The following HAGH variants were observed in gnomAD, a reference collection of about 807,000 sequenced individuals.
HAGH encodes the protein hydroxyacylglutathione hydrolase, mitochondrial.
Under a neutral mutation model 35.1 loss-of-function variants are expected in HAGH, and 29 were observed. The observed-to-expected ratio is 0.83, with a 90% CI of 0.62 to 1.13. The LOEUF (loss-of-function observed/expected upper bound fraction) is 1.13. Ranked by LOEUF, HAGH falls within the 50% of genes most tolerant of loss-of-function variation. HAGH has a pLI of 0.00. For synonymous variants in HAGH, 225 were observed against 176.1 expected (o/e 1.28, Z -2.20); for missense variants, 478 against 419.6 (o/e 1.14, Z -1.22).
At chr16:1,816,782 C>A in intron 7 of HAGH, 111 bp downstream of exon 7, 2 of 710,676 alleles carry the variant, frequency 2.8e-6, no homozygotes, top group Admixed American at 2.1e-5. Context: ...GAATCCCAGG[C>A]CTGCTCTCTG....
chr16:1,814,930 T>TACACACAC (rs4027423), intron 7 of HAGH, among the ~76,000 whole-genome samples: 105 of 140,728 alleles, frequency 7.5e-4, no homozygotes, highest in African/African-American at 1.0e-3. Context: ...TATATGTATA[T>TACACACAC]ACACACACAC....
In HAGH at chr16:1,809,343, C is replaced by T. The variant is rs376385848; in HGVS notation, c.867G>A (p.Pro289=). ...TVQQHAGETD[P]VTTMRAVRRE... ...TGCGCACGGCCCGCATGGTGGTCAC[C>T]GGGTCCGTCTCACCTGCGTGCTGCT... Residue 289 remains proline (P), a synonymous_variant, in exon 9 of 9, where the codon CCG becomes CCA. Transcript: ENST00000397356. The T allele has an allele frequency of 5.4e-5, 87 of 1,613,444 alleles. No homozygotes were observed. The highest frequency in any genetic ancestry group is 5.3e-4 in the South Asian group (48 of 91,080).
intron 5 of HAGH, 114 bp from the exon 6 acceptor site, chr16:1,817,385 G>C: frequency 1.4e-6 from 1 of 724,068 alleles, no homozygotes; most frequent in Non-Finnish European, 2.5e-6. Context: ...CCGAACCCTG[G>C]CTGCCCTCCG....
At chr16:1,824,204 A>G (rs1898291356) in intron 1 of HAGH, among the ~76,000 whole-genome samples, 1 of 150,624 alleles carries the variant, frequency 6.6e-6, no homozygotes, top group Non-Finnish European at 1.5e-5. Flanking sequence ...CCTGGGCAAC[A>G]GAGTGAGACA....
In HAGH at chr16:1,808,395, G is replaced by A. The variant is rs35509613; in HGVS notation, c.*888C>T. 1 of 151,860 alleles carries A rather than the reference G, an allele frequency of 6.6e-6. No individual in the cohort carries two copies. Among genetic ancestry groups the A allele is most frequent in the Non-Finnish European group, 1.5e-5 (1 of 67,976 alleles). The allele number at this position is 151,860 out of a possible 1,614,324, so 9.4% of individuals were successfully genotyped here. On this transcript the variant is annotated 3_prime_UTR_variant, in exon 9 of 9. Transcript: ENST00000397356. ...GGCTCACTGCAAGCCCCGCCTCCTG[G>A]GTTCACACCATTCTCCTGCCTTAGC...
intron 7 of HAGH, chr16:1,810,203 C>T (rs1205100814): frequency 5.1e-6 from 1 of 195,596 alleles, no homozygotes; most frequent in East Asian, 1.4e-4. Flanking sequence ...AGGACACTGC[C>T]CGACTGACAA....
rs772663238 is a variant in HAGH, at chr16:1,817,238, A to T, written c.575T>A (p.Phe192Tyr). The change falls in exon 6 of 9, where the codon TTC becomes TAC. Residue 192 changes from phenylalanine to tyrosine, a missense_variant. By Grantham distance (22) the Phe-to-Tyr change is conservative (BLOSUM62 3). Transcript: ENST00000397356. The stretch of plus-strand genomic sequence containing the variant: ...CATCTCATCCGCAGTCCCTTCATAG[A>T]ACTTCCCGCAGCCAGCCACAAACAA... ...DTLFVAGCGKFYEGTADEMCK... is the reference protein window; with the variant it reads ...DTLFVAGCGKYYEGTADEMCK... The T allele has an allele frequency of 1.4e-5, 23 of 1,613,486 alleles. No individual in the cohort carries two copies. The highest frequency in any genetic ancestry group is 1.7e-5 in the Non-Finnish European group (20 of 1,179,472).
chr16:1,812,394 C>G (rs142988843), intron 7 of HAGH: 1 of 144,756 alleles, frequency 6.9e-6, no homozygotes, highest in Admixed American at 6.9e-5. Flanking sequence ...GTCCCAGCTA[C>G]TTGGGAGGCT....
intron 8 of HAGH, 52 bp from the exon 9 acceptor site, chr16:1,809,434 G>C (rs1897532938): frequency 7.0e-7 from 1 of 1,431,326 alleles, no homozygotes; most frequent in South Asian, 1.1e-5. Flanking sequence ...GCCCACCGGA[G>C]GAGCCAGGGC....
chr16:1,810,164 A>G (rs80287909), intron 7 of HAGH: 21 of 285,548 alleles, frequency 7.4e-5, no homozygotes, highest in African/African-American at 4.4e-4. Flanking sequence ...CGTCTCAAAA[A>G]ATGCTTCAGA....
In HAGH at chr16:1,819,917, T is replaced by C. The variant is rs373374767; in HGVS notation, c.412A>G (p.Thr138Ala). The change falls in exon 4 of 9, where the codon ACT becomes GCT. Residue 138 changes from threonine (T) to alanine (A), a missense_variant. Physicochemically the swap from Thr to Ala is moderately conservative, Grantham distance 58. Transcript: ENST00000397356. The stretch of plus-strand genomic sequence containing the variant: ...CTTACCTGCAGTGTGGACAGGTGAG[T>C]GATCTTGTGAGTCAGGGCCCCGATA... ...DRIGALTHKI[T>A]HLSTLQVGSL... is the part of the protein sequence containing the mutation. 2 of 1,608,896 alleles carry C rather than the reference T, an allele frequency of 1.2e-6. No individual in the cohort carries two copies. The highest frequency in any genetic ancestry group is 2.7e-5 in the African/African-American group (2 of 74,674).
chr16:1,826,227 C>G (rs1444676661), intron 1 of HAGH, among the ~76,000 whole-genome samples: 2 of 151,852 alleles, frequency 1.3e-5, no homozygotes, highest in South Asian at 2.1e-4. Context: ...GCGACCACCT[C>G]GGGCGAATGA....
rs1232387253 is a variant in HAGH at position 1,822,313 on chromosome 16, T to G, written c.301A>C (p.Thr101Pro). ...CGCGGCACTTACCAGTGGTGGTGGGTGGTGAGCACTGTGGTCAGTTTCACC... is the reference window on the plus strand; with the variant it reads ...CGCGGCACTTACCAGTGGTGGTGGGGGGTGAGCACTGTGGTCAGTTTCACC... ...HGVKLTTVLT[T>P]HHHWDHAGGN... Residue 101 changes from threonine to proline, a missense_variant, in exon 3 of 9, where the codon ACC (threonine) becomes CCC (proline). Transcript: ENST00000397356. 1.2e-6 allele frequency: 2 copies of G among 1,609,548 alleles called. No homozygotes were observed. The highest frequency in any genetic ancestry group is 1.1e-5 in the South Asian group (1 of 90,994).
Position 1,809,788 on chromosome 16 carries a change from C to G in HAGH, c.793G>C (p.Glu265Gln). Residue 265 changes from glutamate to glutamine, a missense_variant, in exon 8 of 9, where the codon GAG (glutamate) becomes CAG (glutamine). By Grantham distance (29) the Glu-to-Gln change is conservative. Transcript: ENST00000397356. ...ATGAAGGGGTTGTAGGTAAACTCCT[C>G]TGCCAGGGTGGATGGCACTGTGGGC... is the stretch of plus-strand genomic sequence containing the variant. ...GEPTVPSTLAEEFTYNPFMRV... is the reference protein window; with the variant it reads ...GEPTVPSTLAQEFTYNPFMRV... The G allele has an allele frequency of 1.2e-6, 2 of 1,614,028 alleles. No individual in the cohort carries two copies. The highest frequency in any genetic ancestry group is 1.7e-6 in the Non-Finnish European group (2 of 1,179,858).
At chr16:1,822,211 G>A (rs563535051) in intron 3 of HAGH, 89 bp downstream of exon 3, 14 of 809,972 alleles carry the variant, frequency 1.7e-5, no homozygotes, top group African/African-American at 8.4e-5. Context: ...AGACAGAGCC[G>A]TGGGGGGAGA....
chr16:1,820,558 G>T (rs1898110583), intron 3 of HAGH, among the ~76,000 whole-genome samples: 1 of 152,214 alleles, frequency 6.6e-6, no homozygotes, highest in Non-Finnish European at 1.5e-5. Flanking sequence ...GTCTGCAGGG[G>T]AGGCCAGCCT....
chr16:1,812,803 G>A (rs1253258357), intron 7 of HAGH, among the ~76,000 whole-genome samples: 1 of 152,198 alleles, frequency 6.6e-6, no homozygotes, highest in Non-Finnish European at 1.5e-5. Context: ...AGAATGGGAG[G>A]CGCCCTGCAG....
rs1224062654 is a variant in HAGH, at chr16:1,807,799, G to C, written c.*1484C>G. The stretch of plus-strand genomic sequence containing the variant: ...CGTGGCATCCCAGAGGGGTCTGCGA[G>C]TATGCGAACAGACCAGTGACCCCTC... On this transcript the variant is annotated 3_prime_UTR_variant, in exon 9 of 9. Coordinates refer to ENST00000397356, the MANE Select transcript of HAGH (RefSeq NM_005326.6). The C allele has an allele frequency of 6.6e-6, 1 of 152,132 alleles. No individual in the cohort carries two copies. Among genetic ancestry groups the C allele is most frequent in the African/African-American group, 2.4e-5 (1 of 41,406 alleles). The allele number at this position is 152,132 out of a possible 1,614,324, so 9.4% of individuals were successfully genotyped here.
At chr16:1,817,139 A>G in intron 6 of HAGH, 29 bp downstream of exon 6, 5 of 1,502,716 alleles carry the variant, frequency 3.3e-6, no homozygotes, top group Non-Finnish European at 3.7e-6. Context: ...GGCCCCCCAC[A>G]CCCCGGCCCG....
Sources: allele counts gnomAD v4.1 joint callset (sites outside exome capture counted in the v4.1 genomes callset), GRCh38; gene constraint gnomAD v4.1.1; transcripts MANE v1.5; gene names NCBI Gene and HGNC (gene_info 2026-07-23, HGNC 2026-07-21).